Variants in ZFHX3 observed in about 807,000 individuals in gnomAD.
ZFHX3 encodes zinc finger homeobox 3, also known as zinc finger homeobox protein 3.
A neutral mutation model predicts 279.1 loss-of-function variants in ZFHX3; 42 were observed. The ratio of observed to expected loss-of-function variants is 0.15; its 90% CI spans 0.12 to 0.19. The LOEUF (loss-of-function observed/expected upper bound fraction) is 0.19, where lower values mean the gene tolerates loss of function less well. Among genes scored for constraint, ZFHX3 ranks in the 10% least tolerant of loss-of-function variants. ZFHX3 has a pLI of 1.00. For synonymous variants in ZFHX3, 2,293 were observed against 1,957.8 expected (o/e 1.17, Z -4.52); for missense variants, 4,981 against 4,754.0 (o/e 1.05, Z -1.40).
intron 2 of ZFHX3, among the ~76,000 whole-genome samples, chr16:73,677,505 A>G (rs573447059): frequency 2.2e-4 from 33 of 152,096 alleles, no homozygotes; most frequent in African/African-American, 7.9e-4. Flanking sequence ...ACAACTGGAA[A>G]TAGTAAACTT....
At chr16:73,879,284 G>GAA (rs74436279) in intron 1 of ZFHX3, among the ~76,000 whole-genome samples, 43 of 107,764 alleles carry the variant, frequency 4.0e-4, no homozygotes, top group Middle Eastern at 5.3e-3. Flanking sequence ...AGCAGGTGGA[G>GAA]AAAAAAAAAA....
At chr16:73,647,776 T>G (rs1191741448) in intron 2 of ZFHX3, among the ~76,000 whole-genome samples, 1 of 152,186 alleles carries the variant, frequency 6.6e-6, no homozygotes. Context: ...CTATGCCTAC[T>G]GATGCATGTT....
chr16:73,364,349 G>A (rs2143321223), intron 3 of ZFHX3, among the ~76,000 whole-genome samples: 1 of 148,930 alleles, frequency 6.7e-6, no homozygotes, highest in East Asian at 2.0e-4. Context: ...AATAATAATA[G>A]TAATATTACT....
chr16:73,062,939 A>G (rs555920394), upstream of ZFHX3, among the ~76,000 whole-genome samples: 3 of 152,370 alleles, frequency 2.0e-5, no homozygotes, highest in East Asian at 5.8e-4. Context: ...AAATGCAGAC[A>G]TGCCGAAGTG....
At chr16:73,503,042 G>A (rs762169733) in intron 2 of ZFHX3, among the ~76,000 whole-genome samples, 4 of 152,174 alleles carry the variant, frequency 2.6e-5, no homozygotes, top group African/African-American at 7.2e-5. Context: ...GTGCTCACTC[G>A]GAACTGCAGG....
At chr16:73,507,488 T>TTA (rs2019348137) in intron 2 of ZFHX3, among the ~76,000 whole-genome samples, 3 of 78,132 alleles carry the variant, frequency 3.8e-5, no homozygotes, top group African/African-American at 2.1e-4. Context: ...TCTGCCACTT[T>TTA]TTTTTTTTTT....
chr16:72,995,372 C>T (rs1260531575), intron 1 of ZFHX3, among the ~76,000 whole-genome samples: 2 of 152,142 alleles, frequency 1.3e-5, no homozygotes, highest in Admixed American at 1.3e-4. Context: ...TATGGCAACC[C>T]AGCAAGCAGT....
intron 5 of ZFHX3, among the ~76,000 whole-genome samples, chr16:73,190,184 T>G (rs1967998802): frequency 6.6e-6 from 1 of 152,248 alleles, no homozygotes; most frequent in South Asian, 2.1e-4. Flanking sequence ...AGCAGGAAGC[T>G]GCTGACATGT....
intron 1 of ZFHX3, among the ~76,000 whole-genome samples, chr16:73,759,051 G>C (rs2142279335): frequency 6.6e-6 from 1 of 152,304 alleles, no homozygotes; most frequent in Admixed American, 6.5e-5. Flanking sequence ...TGCCATTGGT[G>C]ATTCATACTT....
chr16:73,002,241 G>C (rs1284623485), intron 1 of ZFHX3, among the ~76,000 whole-genome samples: 1 of 152,144 alleles, frequency 6.6e-6, no homozygotes, highest in Non-Finnish European at 1.5e-5. Flanking sequence ...TGCTGAACAA[G>C]CTTCTACTTC....
chr16:72,917,199 C>A (rs955129113), intron 3 of ZFHX3, among the ~76,000 whole-genome samples: 2 of 152,170 alleles, frequency 1.3e-5, no homozygotes, highest in African/African-American at 4.8e-5. Flanking sequence ...CATGATCACA[C>A]CACTGCACTC....
chr16:73,205,851 C>G (rs997564529), intron 5 of ZFHX3, among the ~76,000 whole-genome samples: 1 of 152,194 alleles, frequency 6.6e-6, no homozygotes, highest in Non-Finnish European at 1.5e-5. Context: ...AAGCTGGCTT[C>G]TATTGTTCCT....
At chr16:72,940,085 A>AT (rs1196823407) in intron 3 of ZFHX3, among the ~76,000 whole-genome samples, 8 of 150,236 alleles carry the variant, frequency 5.3e-5, no homozygotes, top group South Asian at 2.2e-4. Context: ...AATTTTTTAA[A>AT]TTTTTTTATA....
chr16:73,861,339 T>C (rs1346218766), intron 1 of ZFHX3, among the ~76,000 whole-genome samples: 1 of 152,132 alleles, frequency 6.6e-6, no homozygotes, highest in East Asian at 1.9e-4. Context: ...AGATTCTAGG[T>C]GATGGTTGCC....
chr16:73,774,128 T>C (rs2054050606), intron 1 of ZFHX3, among the ~76,000 whole-genome samples: 1 of 150,496 alleles, frequency 6.6e-6, no homozygotes. Context: ...ATATACTGTC[T>C]CTAAAAAAAA....
Position 72,958,360 on chromosome 16 carries a change from T to C in ZFHX3, c.1786A>G (p.Asn596Asp), listed in dbSNP as rs757829970. The C allele has an allele frequency of 3.1e-6, 5 of 1,614,020 alleles. No individual in the cohort carries two copies. The African/African-American group carries it at 5.3e-5, about 17-fold the overall frequency. The change falls in exon 2 of 10, where the codon AAT (asparagine) becomes GAT (aspartate). Residue 596 changes from asparagine to aspartate, a missense_variant. Physicochemically the swap from Asn to Asp is conservative, Grantham distance 23. Transcript: ENST00000268489. ...TCTGGTGCTGTGGCATTGTCTTTAT[T>C]GGCACTTTCGTCAGCGAAGTCCAGC... The part of the protein sequence containing the change: ...RRLDFADESA[N>D]KDNATAPEPN...
intron 2 of ZFHX3, among the ~76,000 whole-genome samples, chr16:73,674,349 G>C (rs1037645015): frequency 6.6e-6 from 1 of 152,170 alleles, no homozygotes; most frequent in Non-Finnish European, 1.5e-5. Flanking sequence ...CACATTAAAG[G>C]CAGTAAATAC....
intron 6 of ZFHX3, among the ~76,000 whole-genome samples, chr16:73,140,234 CT>C (rs1230617207): frequency 6.6e-6 from 1 of 151,994 alleles, no homozygotes; most frequent in Non-Finnish European, 1.5e-5. Flanking sequence ...ACACTCCATC[CT>C]GGGAGACAGA....
chr16:73,594,972 C>T (rs1255769589), intron 2 of ZFHX3, among the ~76,000 whole-genome samples: 1 of 152,162 alleles, frequency 6.6e-6, no homozygotes, highest in Non-Finnish European at 1.5e-5. Flanking sequence ...AATTCCATTT[C>T]TTGTCAATAT....
Sources: gnomAD v4.1 joint callset for allele counts (sites outside exome capture counted in the v4.1 genomes callset) on GRCh38, gnomAD v4.1.1 for gene constraint, MANE v1.5 for transcripts, NCBI Gene and HGNC (gene_info 2026-07-23, HGNC 2026-07-21) for gene names.